Variants in EPM2A observed in about 807,000 individuals in gnomAD.
The protein encoded by EPM2A is laforin.
A neutral mutation model predicts 26.5 loss-of-function variants in EPM2A; 21 were observed. The observed-to-expected ratio is 0.79, with a 90% CI of 0.56 to 1.14. The LOEUF is 1.14. Ranked by LOEUF, EPM2A falls within the 50% of genes most tolerant of loss-of-function variation. EPM2A has a pLI of 0.00. For synonymous variants in EPM2A, 217 were observed against 177.6 expected (o/e 1.22, Z -1.76); for missense variants, 458 against 440.8 (o/e 1.04, Z -0.35).
chr6:145,617,935 C>T (rs946691724), intron 2 of EPM2A, among the ~76,000 whole-genome samples: 1 of 152,032 alleles, frequency 6.6e-6, no homozygotes, highest in Non-Finnish European at 1.5e-5. Context: ...AAAGCAAGAT[C>T]CTGTCTCAAA....
rs749937487 is a variant in EPM2A, at chr6:145,627,654, T to A, written c.758A>T (p.His253Leu). The change falls in exon 4 of 4, where the codon CAT becomes CTT. Residue 253 changes from histidine to leucine, a missense_variant. Transcript: ENST00000367519. ...GATGTGTCCCTTCTCCAGCAGCGCA[T>A]GCAGCAGGCACACCGCCTGGGGCAG... ...QMLPQAVCLL[H>L]ALLEKGHIVY... The A allele has an allele frequency of 1.9e-6, 3 of 1,614,164 alleles. No homozygotes were observed. In the East Asian group the frequency reaches 6.7e-5, roughly 36 times the overall value.
intron 4 of EPM2A, among the ~76,000 whole-genome samples, chr6:145,402,743 A>C (rs1442532030): frequency 1.3e-5 from 2 of 152,156 alleles, no homozygotes; most frequent in African/African-American, 4.8e-5. Context: ...ACCTGGGTGA[A>C]TTCTTTGTAT....
chr6:145,721,766 TATCA>T (rs1243213794), intron 1 of EPM2A: 1 of 152,248 alleles, frequency 6.6e-6, no homozygotes, highest in African/African-American at 2.4e-5. Flanking sequence ...AAAAAATCTC[TATCA>T]GATGCCTATT....
intron 4 of EPM2A, among the ~76,000 whole-genome samples, chr6:145,474,709 CA>C (rs1230762029): frequency 6.6e-6 from 1 of 152,088 alleles, no homozygotes; most frequent in Non-Finnish European, 1.5e-5. Context: ...AAAAATTGTG[CA>C]ATCTATCCAT....
intron 2 of EPM2A, among the ~76,000 whole-genome samples, chr6:145,611,534 A>G (rs1234433784): frequency 6.6e-6 from 1 of 151,994 alleles, no homozygotes; most frequent in Non-Finnish European, 1.5e-5. Flanking sequence ...AACAAATTTT[A>G]TTACCTTTAG....
intron 2 of EPM2A, among the ~76,000 whole-genome samples, chr6:145,683,541 C>T (rs702316): frequency 6.6e-6 from 1 of 151,882 alleles, no homozygotes; most frequent in South Asian, 2.1e-4. Context: ...AAGAAACGTA[C>T]GCTTTCTTGC....
At chr6:145,651,628 G>A (rs1210825085) in intron 2 of EPM2A, among the ~76,000 whole-genome samples, 1 of 152,036 alleles carries the variant, frequency 6.6e-6, no homozygotes, top group African/African-American at 2.4e-5. Context: ...GGAATTAAAC[G>A]GTGTACTTTT....
At chr6:145,481,028 G>A (rs1779606306) in intron 4 of EPM2A, among the ~76,000 whole-genome samples, 1 of 152,150 alleles carries the variant, frequency 6.6e-6, no homozygotes, top group African/African-American at 2.4e-5. Context: ...TGTGAGCTGG[G>A]AACAATCTAG....
At chr6:145,390,066 T>G (rs1778316894) in intron 4 of EPM2A, among the ~76,000 whole-genome samples, 1 of 152,004 alleles carries the variant, frequency 6.6e-6, no homozygotes, top group Non-Finnish European at 1.5e-5. Context: ...GAAGGAGAGA[T>G]AGATTTATCT....
intron 4 of EPM2A, among the ~76,000 whole-genome samples, chr6:145,427,063 G>A (rs1452836205): frequency 6.6e-6 from 1 of 152,162 alleles, no homozygotes; most frequent in Non-Finnish European, 1.5e-5. Flanking sequence ...CATTCATGGA[G>A]TTCAAAGAAA....
At position 145,592,021 on chromosome 6, in the gene EPM2A, A is replaced by T. The variant is rs189665912; in HGVS notation, c.340+43224T>A. Among the ~76,000 whole-genome samples the T allele has an allele frequency of 2.5e-3, 377 of 152,120 alleles. 3 individuals are homozygous for T. Among genetic ancestry groups the T allele is most frequent in the African/African-American group, 8.5e-3 (351 of 41,524 alleles). On this transcript the variant is annotated intron_variant, in intron 2 of 3. Transcript: ENST00000450221. ...AATGCACATTTTATTGTATTTTTTT[A>T]AAATTATACTTTAAGTTGTAGGGTA... is the stretch of plus-strand genomic sequence containing the variant.
At chr6:145,502,693 T>C in intron 2 of EPM2A, 1 of 418,880 alleles carries the variant, frequency 2.4e-6, no homozygotes, top group Non-Finnish European at 4.9e-6. Context: ...GACTATTTCC[T>C]ATCATGTAAT....
intron 2 of EPM2A, among the ~76,000 whole-genome samples, chr6:145,536,618 C>A (rs1025371284): frequency 1.3e-5 from 2 of 152,090 alleles, no homozygotes; most frequent in African/African-American, 4.8e-5. Flanking sequence ...TTTTTATGTT[C>A]ACTCACTCAT....
intron 1 of EPM2A, among the ~76,000 whole-genome samples, chr6:145,714,771 A>C (rs903566305): frequency 6.6e-6 from 1 of 152,190 alleles, no homozygotes; most frequent in Non-Finnish European, 1.5e-5. Context: ...AAGCCATCAG[A>C]TCTCATGAGA....
chr6:145,387,266 CCCT>C (rs1165737100), intron 4 of EPM2A, among the ~76,000 whole-genome samples: 3 of 152,150 alleles, frequency 2.0e-5, no homozygotes, highest in African/African-American at 7.2e-5. Context: ...CAAAGACCTT[CCCT>C]CCAACACCTT....
intron 2 of EPM2A, among the ~76,000 whole-genome samples, chr6:145,536,601 C>T (rs966695236): frequency 3.3e-5 from 5 of 152,060 alleles, no homozygotes; most frequent in African/African-American, 9.7e-5. Flanking sequence ...CTGGCCCCTT[C>T]CCCAGGTTTT....
At chr6:145,628,762 C>A (rs1259995019) in intron 3 of EPM2A, 2 of 152,214 alleles carry the variant, frequency 1.3e-5, no homozygotes, top group Non-Finnish European at 2.9e-5. Flanking sequence ...GATGGGAACA[C>A]CCCTCCCTCG....
intron 1 of EPM2A, among the ~76,000 whole-genome samples, chr6:145,715,355 G>C (rs920788566): frequency 2.0e-5 from 3 of 152,112 alleles, no homozygotes; most frequent in African/African-American, 7.2e-5. Context: ...GGACAGCTTT[G>C]AGATGTGGGA....
At chr6:145,686,442 TAGAGTGAAAAACAGAACGGTAGGAA>T in intron 1 of EPM2A, 146 bp from the exon 2 acceptor site, 1 of 699,590 alleles carries the variant, frequency 1.4e-6, no homozygotes, top group Non-Finnish European at 2.4e-6. Context: ...CAAAAAAGAC[TAGAGTGAAAAACAGAACGGTAGGAA>T]TTTGTAAAGA....
Sources: allele counts gnomAD v4.1 joint callset (sites outside exome capture counted in the v4.1 genomes callset), GRCh38; gene constraint gnomAD v4.1.1; transcripts MANE v1.5; gene names NCBI Gene and HGNC (gene_info 2026-07-23, HGNC 2026-07-21).